Variants in HDAC9 observed in about 807,000 individuals in gnomAD.
HDAC9 encodes histone deacetylase 9, also known as MEF-2 interacting transcription repressor (MITR) protein.
In HDAC9, 41 loss-of-function variants were observed where a neutral mutation model predicts 139.4. The observed-to-expected ratio is 0.29, with a 90% CI of 0.23 to 0.38. The LOEUF (loss-of-function observed/expected upper bound fraction) is 0.38. Ranked by LOEUF, HDAC9 falls within the 10% of genes least tolerant of loss-of-function variation. The pLI is 1.00. For missense variants in HDAC9, 1,147 were observed against 1,297.0 expected (o/e 0.88, Z 1.78); for synonymous variants, 517 against 476.2 (o/e 1.09, Z -1.12).
chr7:18,725,668 T>C (rs1321960302), intron 12 of HDAC9, among the ~76,000 whole-genome samples: 1 of 152,088 alleles, frequency 6.6e-6, no homozygotes, highest in Admixed American at 6.6e-5. Flanking sequence ...AAAAATCAGA[T>C]AAACATGTAC....
intron 12 of HDAC9, among the ~76,000 whole-genome samples, chr7:18,673,694 A>G (rs1264504457): frequency 6.6e-6 from 1 of 151,916 alleles, no homozygotes; most frequent in East Asian, 1.9e-4. Context: ...CTCATTTTGT[A>G]TTTTGTTAAT....
At chr7:18,208,817 TAAAG>T (rs1470334206) in intron 2 of HDAC9, among the ~76,000 whole-genome samples, 2 of 151,904 alleles carry the variant, frequency 1.3e-5, no homozygotes, top group South Asian at 2.1e-4. Context: ...AAATGAAAAA[TAAAG>T]AGAGACTGGA....
intron 25 of HDAC9, among the ~76,000 whole-genome samples, chr7:18,994,582 A>G (rs572393916): frequency 5.3e-5 from 8 of 152,188 alleles, no homozygotes; most frequent in Admixed American, 5.2e-4. Context: ...GTAACAATAA[A>G]TAATGAAGAC....
intron 2 of HDAC9, among the ~76,000 whole-genome samples, chr7:18,229,954 T>C (rs112018770): frequency 0.018 from 2,744 of 152,304 alleles, 84 homozygotes; most frequent in African/African-American, 0.062. Context: ...TTATTTCTAA[T>C]GAACAGTGTC....
chr7:18,507,253 C>T lies in HDAC9; in HGVS notation c.22+10929C>T, dbSNP rs1030395623. On this transcript the variant is annotated intron_variant, in intron 2 of 25. Transcript: ENST00000686413. ...TCGCCCAGGCTGGAGTGCAGTGGCG[C>T]GATCTCGGCTCACTGCAAGCTCCAC... 3.1e-4 allele frequency among the ~76,000 whole-genome samples: 46 copies of T among 150,642 alleles called. No homozygotes were observed. In the South Asian group the frequency reaches 3.1e-3, roughly 10 times the overall value.
intron 23 of HDAC9, among the ~76,000 whole-genome samples, chr7:18,939,195 A>T (rs1245202115): frequency 6.6e-6 from 1 of 152,160 alleles, no homozygotes; most frequent in Non-Finnish European, 1.5e-5. Context: ...AACTAAAGGA[A>T]GGGAGGTTTA....
intron 1 of HDAC9, among the ~76,000 whole-genome samples, chr7:18,396,291 A>G (rs1787050330): frequency 6.6e-6 from 1 of 152,152 alleles, no homozygotes; most frequent in African/African-American, 2.4e-5. Context: ...CATTTTAGTG[A>G]GGAATATGGA....
chr7:18,644,706 A>G lies in HDAC9; in HGVS notation c.948A>G (p.Glu316=). Residue 316 remains glutamate (E), a synonymous_variant, in exon 9 of 26, where the codon GAA becomes GAG. Transcript: ENST00000686413. Reference sequence around the variant, plus strand: ...CACAGCAACGCATTCTAATTCATGAAGATTCCATGAACCTGCTAAGTCTTT... The same window carrying G: ...CACAGCAACGCATTCTAATTCATGAGGATTCCATGAACCTGCTAAGTCTTT... The part of the protein sequence containing the change: ...MVSQQRILIH[E]DSMNLLSLYT... 6.2e-7 allele frequency: 1 copy of G among 1,611,860 alleles called. No individual in the cohort carries two copies. Among genetic ancestry groups the G allele is most frequent in the African/African-American group, 1.3e-5 (1 of 74,920 alleles).
At chr7:18,311,141 A>G (rs1799292628) in intron 1 of HDAC9, among the ~76,000 whole-genome samples, 1 of 152,012 alleles carries the variant, frequency 6.6e-6, no homozygotes, top group South Asian at 2.1e-4. Context: ...CTGTTTTTAT[A>G]ACAAGGATTC....
rs189512485 is a variant in HDAC9, at chr7:18,244,616, G to A, written c.25+82267G>A. 7.0e-3 allele frequency among the ~76,000 whole-genome samples: 1,071 copies of A among 152,202 alleles called. 12 individuals are homozygous for A. Among genetic ancestry groups the A allele is most frequent in the African/African-American group, 0.024 (1,008 of 41,518 alleles). On this transcript the variant is annotated intron_variant, in intron 2 of 12. Coordinates refer to the HDAC9 transcript ENST00000417496. ...GTTCGAGACCATCCTTGCTAACATG[G>A]TGAAACCCTATCTCTACTAAAAATA...
At chr7:18,328,950 A>G (rs1800685900) in intron 1 of HDAC9, among the ~76,000 whole-genome samples, 1 of 151,730 alleles carries the variant, frequency 6.6e-6, no homozygotes, top group Admixed American at 6.6e-5. Flanking sequence ...CTTTTCTTTG[A>G]TAGGAAATAT....
rs145528096 is a variant in HDAC9, at chr7:18,933,896, A to G, written c.2804-1913A>G. On this transcript the variant is annotated intron_variant, in intron 22 of 25. Transcript: ENST00000686413. The stretch of plus-strand genomic sequence containing the variant: ...CACAGAAATGAAAATATCACTAAAG[A>G]TGTGATGTAGCAGATTAGAGATGTC... 5.2e-3 allele frequency among the ~76,000 whole-genome samples: 792 copies of G among 152,200 alleles called. 5 individuals are homozygous for G. The highest frequency in any genetic ancestry group is 0.017 in the African/African-American group (688 of 41,550).
At chr7:18,648,416 G>A (rs1788124101) in intron 10 of HDAC9, 50 bp from the exon 11 acceptor site, 6 of 1,268,838 alleles carry the variant, frequency 4.7e-6, no homozygotes, top group Non-Finnish European at 6.9e-6. Context: ...GTGTATGTGT[G>A]TGTGTGTGTG....
intron 12 of HDAC9, among the ~76,000 whole-genome samples, chr7:18,713,934 A>C (rs937805802): frequency 1.3e-5 from 2 of 152,200 alleles, no homozygotes; most frequent in African/African-American, 2.4e-5. Context: ...GTTGATAACA[A>C]TGATATATTA....
chr7:18,345,456 C>T (rs1782333358), intron 1 of HDAC9, among the ~76,000 whole-genome samples: 1 of 151,738 alleles, frequency 6.6e-6, no homozygotes, highest in Admixed American at 6.6e-5. Context: ...CACAATTCTC[C>T]TAGCCAACCA....
At chr7:18,305,038 A>G (rs2128618096) in intron 1 of HDAC9, among the ~76,000 whole-genome samples, 1 of 152,168 alleles carries the variant, frequency 6.6e-6, no homozygotes, top group Middle Eastern at 3.4e-3. Flanking sequence ...AGGATAAGAA[A>G]TCAGTTTTTT....
intron 1 of HDAC9, among the ~76,000 whole-genome samples, chr7:18,132,917 GTA>G (rs1785116544): frequency 6.6e-6 from 1 of 151,932 alleles, no homozygotes; most frequent in African/African-American, 2.4e-5. Context: ...TTTTACTTTT[GTA>G]TAGCACCCTA....
chr7:18,299,477 C>G (rs746602992), intron 1 of HDAC9, among the ~76,000 whole-genome samples: 1 of 151,978 alleles, frequency 6.6e-6, no homozygotes, highest in Non-Finnish European at 1.5e-5. Context: ...ACTTTACTGG[C>G]GAGGGTACTT....
chr7:18,373,662 C>G lies in HDAC9; in HGVS notation c.-42+83147C>G, dbSNP rs189324300. On this transcript the variant is annotated intron_variant, in intron 1 of 3. Coordinates refer to the HDAC9 transcript ENST00000413509. ...AATGCCACATTTGCAATGCTACTTC[C>G]CTTGAAATCCAGGTGAAACTAAAGA... 2.7e-4 allele frequency among the ~76,000 whole-genome samples: 41 copies of G among 152,232 alleles called. 1 individual carries two copies. The East Asian group carries it at 7.1e-3, about 27-fold the overall frequency.
Sources: gnomAD v4.1 joint callset for allele counts (sites outside exome capture counted in the v4.1 genomes callset) on GRCh38, gnomAD v4.1.1 for gene constraint, MANE v1.5 for transcripts, NCBI Gene and HGNC (gene_info 2026-07-23, HGNC 2026-07-21) for gene names.